Variants in NADK observed in about 807,000 individuals in gnomAD.
NADK encodes the protein poly(P)/ATP NAD kinase.
A neutral mutation model predicts 49.8 loss-of-function variants in NADK; 22 were observed. That is an observed-to-expected ratio of 0.44 (90% CI 0.32 to 0.63). The LOEUF (loss-of-function observed/expected upper bound fraction) is 0.63, where lower values mean the gene tolerates loss of function less well. Ranked by LOEUF, NADK falls within the 30% of genes least tolerant of loss-of-function variation. The pLI, the probability that NADK is intolerant of heterozygous loss-of-function variation, is 0.06. For synonymous variants in NADK, 268 were observed against 253.7 expected, an observed-to-expected ratio of 1.06 and a Z score of -0.54; for missense variants, 438 against 609.4, an observed-to-expected ratio of 0.72 and a Z score of 2.96.
Position 1,755,114 on chromosome 1 carries a change from C to T in NADK, c.688+260G>A, listed in dbSNP as rs368461725. Among the ~76,000 whole-genome samples, 16 of 152,300 alleles carry T rather than the reference C, an allele frequency of 1.1e-4. No homozygotes were observed. The East Asian group carries it at 1.5e-3, about 15-fold the overall frequency. On this transcript the variant is annotated intron_variant, in intron 7 of 11. Coordinates refer to ENST00000341426, the MANE Select transcript of NADK (RefSeq NM_023018.5). The stretch of plus-strand genomic sequence containing the variant: ...GATGACAGGCGTGAGCCACCGCGCC[C>T]GGCCGACACTTCTGTGCCTTCTGAG...
intron 3 of NADK, chr1:1,759,798 G>T: frequency 6.4e-7 from 1 of 1,555,118 alleles, no homozygotes; most frequent in Non-Finnish European, 8.7e-7. Context: ...GCCCTGGTCT[G>T]AGGGCTGAGG....
Position 1,756,142 on chromosome 1 carries a change from A to T in NADK, c.585+116T>A. On this transcript the variant is annotated intron_variant, in intron 6 of 11. Transcript: ENST00000341426. Reference sequence around the variant, plus strand: ...CATGGGCCTCAGTGCTGGCCGCTCTAGGTGACTGCTCTCGTATAAAGGGGT... The same window carrying T: ...CATGGGCCTCAGTGCTGGCCGCTCTTGGTGACTGCTCTCGTATAAAGGGGT... 4 of 1,002,640 alleles carry T rather than the reference A, an allele frequency of 4.0e-6. 1 individual carries two copies. In the South Asian group the frequency reaches 5.2e-5, roughly 13 times the overall value. The allele number at this position is 1,002,640 out of a possible 1,614,324, so 62.1% of individuals were successfully genotyped here. A position where few individuals can be genotyped will look rare whatever the true frequency, so the allele number is the denominator to read the frequency against.
intron 6 of NADK, chr1:1,756,044 C>G: frequency 1.7e-6 from 1 of 602,914 alleles, no homozygotes; most frequent in South Asian, 2.0e-5. Flanking sequence ...CAGGCGGGCG[C>G]TGGCCACCCC....
intron 3 of NADK, chr1:1,759,025 C>A: frequency 6.9e-7 from 1 of 1,440,246 alleles, no homozygotes; most frequent in South Asian, 1.5e-5. Context: ...TCACGGTCCT[C>A]CGGCCTGGTC....
upstream of NADK, among the ~76,000 whole-genome samples, chr1:1,779,422 C>G (rs2100408207): frequency 6.6e-6 from 1 of 152,296 alleles, no homozygotes; most frequent in South Asian, 2.1e-4. Flanking sequence ...GAGTCACTGT[C>G]AGGTAAACTG....
chr1:1,756,597 G>A lies in NADK; in HGVS notation c.405C>T (p.Ile135=), dbSNP rs1254787912. ...CTAGCACTTTCTTTTCCACATACAC[G>A]ATCATGTTCTCCTGGAAGCAAAGTG... ...LCTHLMEENM[I]VYVEKKVLED... Residue 135 remains isoleucine, a synonymous_variant, in exon 5 of 12, where the codon ATC becomes ATT. Transcript: ENST00000341426. 7 of 1,613,888 alleles carry A rather than the reference G, an allele frequency of 4.3e-6. No individual in the cohort carries two copies. In the Admixed American group the frequency reaches 5.0e-5, roughly 12 times the overall value.
At chr1:1,755,078 C>CA (rs1645470406) in intron 7 of NADK, among the ~76,000 whole-genome samples, 1 of 152,206 alleles carries the variant, frequency 6.6e-6, no homozygotes, top group Non-Finnish European at 1.5e-5. Flanking sequence ...CTCGACCTCC[C>CA]ACAGTGCTGG....
At chr1:1,766,921 C>CT (rs1020885481) in intron 1 of NADK, among the ~76,000 whole-genome samples, 100 of 146,018 alleles carry the variant, frequency 6.8e-4, no homozygotes, top group Non-Finnish European at 7.7e-4. Context: ...AGAACCTCAT[C>CT]TTTTTTTTTT....
chr1:1,761,044 G>C (rs1335559024), intron 3 of NADK, among the ~76,000 whole-genome samples: 1 of 152,030 alleles, frequency 6.6e-6, no homozygotes, highest in Non-Finnish European at 1.5e-5. Flanking sequence ...CCAGGCTGGA[G>C]TGCAATGGTG....
chr1:1,755,871 G>A (rs1249132682), intron 6 of NADK: 4 of 444,172 alleles, frequency 9.0e-6, no homozygotes, highest in Non-Finnish European at 1.7e-5. Context: ...AGTGGGCCAA[G>A]GGCAGAGCCA....
intron 1 of NADK, among the ~76,000 whole-genome samples, chr1:1,775,576 G>C (rs904478446): frequency 2.0e-5 from 3 of 152,218 alleles, no homozygotes; most frequent in African/African-American, 7.2e-5. Context: ...CAGATTACAG[G>C]TCTGAAGGGG....
chr1:1,762,157 T>A (rs1007091725), intron 2 of NADK, 122 bp from the exon 3 acceptor site: 1 of 794,264 alleles, frequency 1.3e-6, no homozygotes, highest in Admixed American at 2.1e-5. Flanking sequence ...GCCAACTCCA[T>A]CTGCCCAGCA....
At chr1:1,766,074 T>A (rs1282397275) in intron 1 of NADK, among the ~76,000 whole-genome samples, 1 of 151,742 alleles carries the variant, frequency 6.6e-6, no homozygotes, top group Non-Finnish European at 1.5e-5. Flanking sequence ...TCAAGACCAC[T>A]CTGGGCAACA....
chr1:1,754,247 G>A lies in NADK; in HGVS notation c.943+37C>T, dbSNP rs756977710. Reference sequence around the variant, plus strand: ...GCGCAGGCGTCACTCCCGCCCGAGGGACGCTCAGGGCCCCAGGACAGTGCT... The same window carrying A: ...GCGCAGGCGTCACTCCCGCCCGAGGAACGCTCAGGGCCCCAGGACAGTGCT... On this transcript the variant is annotated intron_variant, in intron 9 of 11. Coordinates refer to ENST00000341426, the MANE Select transcript of NADK (RefSeq NM_023018.5). The surrounding 1 kb of genome is among the most constrained non-coding windows in gnomAD (Gnocchi z 4.3). 2.0e-5 allele frequency: 33 copies of A among 1,613,286 alleles called. No individual in the cohort carries two copies. The highest frequency in any genetic ancestry group is 2.7e-5 in the Non-Finnish European group (32 of 1,179,882).
chr1:1,757,338 C>T, intron 3 of NADK, 28 bp from the exon 4 acceptor site: 2 of 1,569,914 alleles, frequency 1.3e-6, no homozygotes, highest in Non-Finnish European at 1.7e-6. Context: ...AGAGTTCACA[C>T]CAGCTGCGAT....
At chr1:1,764,112 G>T (rs1298209338) in intron 2 of NADK, among the ~76,000 whole-genome samples, 1 of 152,164 alleles carries the variant, frequency 6.6e-6, no homozygotes, top group African/African-American at 2.4e-5. Flanking sequence ...GACAGAAAAC[G>T]TGGGAGTAGC....
chr1:1,778,800 C>A (rs1025646858), upstream of NADK: 1 of 152,128 alleles, frequency 6.6e-6, no homozygotes, highest in Non-Finnish European at 1.5e-5. The surrounding 1 kb of genome is among the most constrained non-coding windows in gnomAD (Gnocchi z 4.9). Flanking sequence ...CGCCTAGGCG[C>A]CCCCGACATT....
chr1:1,772,970 G>C (rs188415803), intron 1 of NADK, among the ~76,000 whole-genome samples: 1,836 of 151,366 alleles, frequency 0.012, 15 homozygotes, highest in Middle Eastern at 0.038. Context: ...GAACCTGGGA[G>C]GGGGAGGTTG....
At chr1:1,753,189 C>T (rs1441460095) in intron 11 of NADK, 129 bp from the exon 12 acceptor site, 16 of 1,196,992 alleles carry the variant, frequency 1.3e-5, no homozygotes, top group East Asian at 5.1e-5. Flanking sequence ...AGCCCCTCCC[C>T]GAGGCAGGCT....
Sources: gnomAD v4.1 joint callset for allele counts (sites outside exome capture counted in the v4.1 genomes callset) on GRCh38, gnomAD v4.1.1 for gene constraint, Gnocchi (gnomAD v3.1) non-coding constraint, MANE v1.5 for transcripts, NCBI Gene and HGNC (gene_info 2026-07-23, HGNC 2026-07-21) for gene names.